The following DYTN variants were observed in gnomAD, a reference collection of about 807,000 sequenced individuals.
The protein encoded by DYTN is dystrotelin.
In DYTN, 75 loss-of-function variants were observed where a neutral mutation model predicts 69.6. The observed-to-expected ratio is 1.08, with a 90% confidence interval of 0.89 to 1.31. The LOEUF (loss-of-function observed/expected upper bound fraction) is 1.31. Among genes scored for constraint, DYTN ranks in the 50% most tolerant of loss-of-function variants. The pLI is 0.00. For synonymous variants in DYTN, 252 were observed against 249.1 expected (o/e 1.01, Z -0.11); for missense variants, 726 against 688.4 (o/e 1.05, Z -0.61).
chr2:206,651,940 A>G lies in DYTN; in HGVS notation c.1634-19T>C, dbSNP rs1699393037. ...TCCGGGCCTGAAATCAACAAACAAG[A>G]GAGTCATTTAGAGAAACATACCGGT... On this transcript the variant is annotated intron_variant, in intron 11 of 11. Coordinates refer to ENST00000452335, the MANE Select transcript of DYTN (RefSeq NM_001093730.1). 6.3e-7 allele frequency: 1 copy of G among 1,597,694 alleles called. No individual in the cohort carries two copies. Among genetic ancestry groups the G allele is most frequent in the Non-Finnish European group, 8.5e-7 (1 of 1,170,358 alleles).
At chr2:206,691,232 G>A (rs951876955) in intron 9 of DYTN, among the ~76,000 whole-genome samples, 1 of 152,106 alleles carries the variant, frequency 6.6e-6, no homozygotes, top group African/African-American at 2.4e-5. Context: ...GGCCAATATG[G>A]TGAAACCCCG....
At chr2:206,702,487 G>A (rs1699985594) in intron 5 of DYTN, among the ~76,000 whole-genome samples, 1 of 152,208 alleles carries the variant, frequency 6.6e-6, no homozygotes, top group African/African-American at 2.4e-5. Context: ...AAGATGGCTT[G>A]TACTTTAAAT....
intron 7 of DYTN, among the ~76,000 whole-genome samples, chr2:206,698,250 G>A (rs568239751): frequency 1.3e-5 from 2 of 152,206 alleles, no homozygotes; most frequent in African/African-American, 4.8e-5. Context: ...GTTCCTTGCC[G>A]AATTTTCATG....
chr2:206,658,154 A>G (rs1227776816), intron 11 of DYTN, among the ~76,000 whole-genome samples: 2 of 151,604 alleles, frequency 1.3e-5, no homozygotes, highest in Non-Finnish European at 2.9e-5. Context: ...TGAAATTTTT[A>G]GTTCAATTAT....
chr2:206,700,614 C>G (rs909236968), intron 5 of DYTN, among the ~76,000 whole-genome samples: 7 of 140,596 alleles, frequency 5.0e-5, no homozygotes, highest in African/African-American at 1.8e-4. Context: ...TTTTTTTTTA[C>G]TTTAAGTTCT....
intron 11 of DYTN, among the ~76,000 whole-genome samples, chr2:206,657,328 G>A (rs1036245056): frequency 1.3e-5 from 2 of 151,906 alleles, no homozygotes; most frequent in Non-Finnish European, 2.9e-5. Context: ...TGTTGCTCAG[G>A]CATACTACCA....
intron 1 of DYTN, among the ~76,000 whole-genome samples, chr2:206,715,865 G>GCC (rs1373671605): frequency 8.5e-5 from 13 of 152,120 alleles, no homozygotes; most frequent in Non-Finnish European, 1.6e-4. Context: ...CAAGGCAGGT[G>GCC]GATAACGAGG....
At chr2:206,688,369 A>G (rs1699833947) in intron 9 of DYTN, among the ~76,000 whole-genome samples, 1 of 152,176 alleles carries the variant, frequency 6.6e-6, no homozygotes. Context: ...TGGGAACACT[A>G]GACAGCAATT....
chr2:206,654,367 T>C (rs902969498), intron 11 of DYTN, among the ~76,000 whole-genome samples: 4 of 152,238 alleles, frequency 2.6e-5, no homozygotes, highest in African/African-American at 7.2e-5. Context: ...AGGATGAAGA[T>C]CTTTATGATG....
intron 5 of DYTN, 81 bp downstream of exon 5, chr2:206,704,762 C>A: frequency 1.7e-6 from 2 of 1,211,874 alleles, no homozygotes; most frequent in South Asian, 1.3e-5. Context: ...AGACTTGACA[C>A]TGGAGACATC....
At chr2:206,708,700 C>T (rs966133472) in intron 2 of DYTN, among the ~76,000 whole-genome samples, 4 of 152,152 alleles carry the variant, frequency 2.6e-5, no homozygotes, top group East Asian at 1.9e-4. Flanking sequence ...ATTTATACAG[C>T]GATGTGTCCC....
intron 9 of DYTN, among the ~76,000 whole-genome samples, chr2:206,685,708 A>T (rs914032520): frequency 6.6e-6 from 1 of 151,890 alleles, no homozygotes; most frequent in Non-Finnish European, 1.5e-5. Context: ...GCCTTCACCC[A>T]CCCACCCTGG....
intron 10 of DYTN, among the ~76,000 whole-genome samples, chr2:206,664,107 C>T (rs957243968): frequency 2.0e-5 from 3 of 151,156 alleles, no homozygotes; most frequent in African/African-American, 7.3e-5. Context: ...TTAAGAACAC[C>T]TTTGATGGAA....
intron 9 of DYTN, among the ~76,000 whole-genome samples, chr2:206,672,579 G>A (rs2105891068): frequency 6.6e-6 from 1 of 152,316 alleles, no homozygotes; most frequent in Middle Eastern, 3.4e-3. Context: ...AATGCAGACA[G>A]GCCCAATAAA....
chr2:206,700,047 T>C, intron 6 of DYTN, 98 bp downstream of exon 6: 2 of 1,562,598 alleles, frequency 1.3e-6, no homozygotes, highest in Non-Finnish European at 1.8e-6. Flanking sequence ...TGAGATGCTA[T>C]GTGGAGTAAT....
rs1412257931 is a variant in DYTN, at chr2:206,707,311, A to C, written c.287T>G (p.Met96Arg). Residue 96 changes from methionine (M) to arginine (R), a missense_variant, in exon 3 of 12, where the codon ATG becomes AGG. Transcript: ENST00000452335. ...PELTLSLLTTMYNSKGTGFLQ... is the reference protein window; with the variant it reads ...PELTLSLLTTRYNSKGTGFLQ... Reference sequence around the variant, plus strand: ...ACGTCCACACCCTCACCTGTTGTACATTGTCGTGAGAAGGCTCAGAGTGAG... The same window carrying C: ...ACGTCCACACCCTCACCTGTTGTACCTTGTCGTGAGAAGGCTCAGAGTGAG... 6.2e-7 allele frequency: 1 copy of C among 1,611,746 alleles called. No homozygotes were observed. The highest frequency in any genetic ancestry group is 8.5e-7 in the Non-Finnish European group (1 of 1,179,174).
At chr2:206,674,512 A>C (rs1165006506) in intron 9 of DYTN, among the ~76,000 whole-genome samples, 4 of 152,132 alleles carry the variant, frequency 2.6e-5, no homozygotes, top group African/African-American at 4.8e-5. Flanking sequence ...TTAAAGAAAT[A>C]AATAATTTCT....
chr2:206,662,032 G>A (rs1699517987), intron 11 of DYTN, among the ~76,000 whole-genome samples: 1 of 152,234 alleles, frequency 6.6e-6, no homozygotes, highest in African/African-American at 2.4e-5. Context: ...GGCAGCAGCA[G>A]TGAGCCACAG....
At chr2:206,694,981 A>G in intron 7 of DYTN, 104 bp from the exon 8 acceptor site, 3 of 751,080 alleles carry the variant, frequency 4.0e-6, no homozygotes, top group South Asian at 4.5e-5. Context: ...TATACAGAAG[A>G]TGTCTGAGCT....
Sources: allele counts gnomAD v4.1 joint callset (sites outside exome capture counted in the v4.1 genomes callset), GRCh38; gene constraint gnomAD v4.1.1; transcripts MANE v1.5; gene names NCBI Gene and HGNC (gene_info 2026-07-23, HGNC 2026-07-21).